Variants in COL5A2 observed in about 807,000 individuals in gnomAD.
COL5A2 encodes collagen alpha-2(V) chain.
A neutral mutation model predicts 208.2 loss-of-function variants in COL5A2; 23 were observed. The ratio of observed to expected loss-of-function variants is 0.11; its 90% CI spans 0.08 to 0.16. The LOEUF is 0.16. Among genes scored for constraint, COL5A2 ranks in the 10% least tolerant of loss-of-function variants. The probability of loss-of-function intolerance (pLI) is 1.00; values close to 1 mark genes in which losing one functional copy is unlikely to be tolerated. For missense variants in COL5A2, 1,590 were observed against 1,956.4 expected, an observed-to-expected ratio of 0.81 and a Z score of 3.53; for synonymous variants, 625 against 628.5, an observed-to-expected ratio of 0.99 and a Z score of 0.08.
chr2:189,365,478 C>G, the COL5A2 span, among the ~76,000 whole-genome samples: 134 of 152,336 alleles, frequency 8.8e-4, no homozygotes, highest in African/African-American at 2.5e-3. Flanking sequence ...TTAACTTCTT[C>G]CTATGAAGAA....
At chr2:189,124,648 A>C (rs1411297437) in intron 1 of COL5A2, among the ~76,000 whole-genome samples, 2 of 152,136 alleles carry the variant, frequency 1.3e-5, no homozygotes, top group East Asian at 3.8e-4. Flanking sequence ...TCTGCTTTTT[A>C]AATTACATTA....
chr2:189,117,261 A>AT (rs879870256), intron 1 of COL5A2, among the ~76,000 whole-genome samples: 2 of 152,160 alleles, frequency 1.3e-5, no homozygotes, highest in African/African-American at 2.4e-5. Flanking sequence ...TTTGACATAG[A>AT]TTTTTTTTCC....
intron 26 of COL5A2, 34 bp from the exon 27 acceptor site, chr2:189,063,304 G>A (rs750982131): frequency 8.3e-6 from 13 of 1,564,524 alleles, no homozygotes; most frequent in Non-Finnish European, 1.1e-5. Flanking sequence ...TAAGTTTCAT[G>A]TAAGTTGTTT....
chr2:189,041,478 C>T (rs949164118), intron 50 of COL5A2, 108 bp downstream of exon 50: 17 of 858,758 alleles, frequency 2.0e-5, no homozygotes, highest in Admixed American at 1.4e-4. Context: ...CGTTTGTTTT[C>T]GGGGTCCCTT....
chr2:189,103,696 GT>G (rs1449350262), intron 3 of COL5A2, among the ~76,000 whole-genome samples: 1 of 152,098 alleles, frequency 6.6e-6, no homozygotes, highest in South Asian at 2.1e-4. Flanking sequence ...TGTAAAGCTT[GT>G]GTCCAGAATT....
the COL5A2 span, among the ~76,000 whole-genome samples, chr2:189,279,263 CAAGATAA>C: frequency 1.3e-5 from 2 of 151,110 alleles, no homozygotes; most frequent in East Asian, 1.9e-4. Flanking sequence ...GATAAGTATT[CAAGATAA>C]AAGGAATGGC....
chr2:189,337,155 A>G, the COL5A2 span, among the ~76,000 whole-genome samples: 1 of 151,860 alleles, frequency 6.6e-6, no homozygotes, highest in African/African-American at 2.4e-5. Context: ...TAGCAGCATT[A>G]TGAAGTGTTT....
At chr2:189,303,395 A>G in the COL5A2 span, among the ~76,000 whole-genome samples, 1 of 152,144 alleles carries the variant, frequency 6.6e-6, no homozygotes, top group Non-Finnish European at 1.5e-5. Context: ...TCTTTTCAAT[A>G]AATTTGCCAG....
the COL5A2 span, among the ~76,000 whole-genome samples, chr2:189,331,076 A>G: frequency 6.6e-6 from 1 of 152,232 alleles, no homozygotes; most frequent in African/African-American, 2.4e-5. Context: ...ACATGATAAT[A>G]TAGAAAATTT....
the COL5A2 span, among the ~76,000 whole-genome samples, chr2:189,295,799 T>C: frequency 0.57 from 85,736 of 151,268 alleles, 26,040 homozygotes; most frequent in East Asian, 0.72. Flanking sequence ...TTTTTTAAAA[T>C]TGAGATCTAC....
the COL5A2 span, among the ~76,000 whole-genome samples, chr2:189,382,609 AAGAGACCACC>A: frequency 6.6e-6 from 1 of 152,160 alleles, no homozygotes; most frequent in Non-Finnish European, 1.5e-5. Flanking sequence ...ACGTCCATAT[AAGAGACCACC>A]TGAGCAGGCT....
intron 7 of COL5A2, among the ~76,000 whole-genome samples, chr2:189,091,830 T>C (rs1686792336): frequency 6.6e-6 from 1 of 152,228 alleles, no homozygotes; most frequent in Admixed American, 6.5e-5. Context: ...TGTTTGACTT[T>C]ACTTCAAGTA....
At chr2:189,291,561 T>C in the COL5A2 span, among the ~76,000 whole-genome samples, 1 of 152,140 alleles carries the variant, frequency 6.6e-6, no homozygotes, top group Admixed American at 6.5e-5. Context: ...TTTTTTTACA[T>C]AAATTTTATC....
chr2:189,188,771 AACAGGATCTG>A (rs1036257665), intron 1 of COL5A2, among the ~76,000 whole-genome samples: 11 of 152,230 alleles, frequency 7.2e-5, no homozygotes, highest in Non-Finnish European at 1.3e-4. Flanking sequence ...CATTCATCTC[AACAGGATCTG>A]AGTTCTAGCA....
At chr2:189,195,105 A>C (rs1688983425) in intron 1 of COL5A2, among the ~76,000 whole-genome samples, 1 of 152,214 alleles carries the variant, frequency 6.6e-6, no homozygotes, top group African/African-American at 2.4e-5. Context: ...TTAAGCTGAT[A>C]GGTAACTTCA....
At chr2:189,125,777 A>G (rs1480096232) in intron 1 of COL5A2, among the ~76,000 whole-genome samples, 2 of 152,108 alleles carry the variant, frequency 1.3e-5, no homozygotes, top group Non-Finnish European at 2.9e-5. Flanking sequence ...TTTTGGGGGA[A>G]GTTGAAAGTT....
chr2:189,318,751 T>G, the COL5A2 span, among the ~76,000 whole-genome samples: 214 of 152,300 alleles, frequency 1.4e-3, no homozygotes, highest in Non-Finnish European at 2.2e-3. Flanking sequence ...ATCTCCTCTC[T>G]CAGATCTGGG....
At chr2:189,037,596 G>A (rs766279164) in intron 51 of COL5A2, among the ~76,000 whole-genome samples, 1 of 152,110 alleles carries the variant, frequency 6.6e-6, no homozygotes, top group South Asian at 2.1e-4. Flanking sequence ...CTGTGACTTA[G>A]GATCCCTCTT....
chr2:189,381,727 G>A, the COL5A2 span, among the ~76,000 whole-genome samples: 1 of 151,874 alleles, frequency 6.6e-6, no homozygotes, highest in Non-Finnish European at 1.5e-5. Flanking sequence ...AATTTTAGAA[G>A]AAAAATTAAA....
Sources: gnomAD v4.1 joint callset for allele counts (sites outside exome capture counted in the v4.1 genomes callset) on GRCh38, gnomAD v4.1.1 for gene constraint, MANE v1.5 for transcripts, NCBI Gene and HGNC (gene_info 2026-07-23, HGNC 2026-07-21) for gene names.